The following ENKUR variants were observed in gnomAD, a reference collection of about 807,000 sequenced individuals.
ENKUR encodes the protein enkurin.
In ENKUR, 19 loss-of-function variants were observed where a neutral mutation model predicts 27.6. The ratio of observed to expected loss-of-function variants is 0.69; its 90% CI spans 0.48 to 1.01. The LOEUF (loss-of-function observed/expected upper bound fraction) is 1.01, where lower values mean the gene tolerates loss of function less well. Ranked by LOEUF, ENKUR falls within the 50% of genes least tolerant of loss-of-function variation. The pLI, the probability that ENKUR is intolerant of heterozygous loss-of-function variation, is 0.00. For synonymous variants in ENKUR, 117 were observed against 96.9 expected, an observed-to-expected ratio of 1.21 and a Z score of -1.22; for missense variants, 312 against 310.5, an observed-to-expected ratio of 1.00 and a Z score of -0.04.
chr10:25,032,465 T>C (rs1850947647), intron 2 of ENKUR, among the ~76,000 whole-genome samples: 1 of 152,166 alleles, frequency 6.6e-6, no homozygotes, highest in South Asian at 2.1e-4. Flanking sequence ...AAGCGCTTAA[T>C]CCTAATCAGC....
chr10:25,053,858 A>G (rs2130490426), intron 2 of ENKUR, among the ~76,000 whole-genome samples: 1 of 152,302 alleles, frequency 6.6e-6, no homozygotes, highest in South Asian at 2.1e-4. Flanking sequence ...TTTTTAAAAA[A>G]TACTCATGCA....
At chr10:25,031,358 G>A (rs1484324749) in intron 2 of ENKUR, among the ~76,000 whole-genome samples, 2 of 152,066 alleles carry the variant, frequency 1.3e-5, no homozygotes, top group Non-Finnish European at 2.9e-5. Flanking sequence ...GATACTTGGC[G>A]CGGATTACCT....
At chr10:25,018,053 G>A (rs959022496), upstream of ENKUR, among the ~76,000 whole-genome samples, 6 of 152,142 alleles carry the variant, frequency 3.9e-5, no homozygotes, top group Non-Finnish European at 5.9e-5. Flanking sequence ...CTGGCCTTTG[G>A]TAGCCTTGAT....
intron 1 of ENKUR, among the ~76,000 whole-genome samples, chr10:25,002,000 C>A (rs1229169745): frequency 6.6e-6 from 1 of 151,994 alleles, no homozygotes; most frequent in East Asian, 1.9e-4. Context: ...CTTTAAATTT[C>A]TTCCTTAGCT....
rs748586105 is a variant in ENKUR, at chr10:25,023,359, T to C, written c.38-27490A>G. On this transcript the variant is annotated intron_variant, in intron 2 of 5. Transcript: ENST00000615958. The stretch of plus-strand genomic sequence containing the variant: ...TGCACTTGCGGAATTGAGGAAGTCA[T>C]GGTATTCAACCCACTCTCTTGTTGG... 2.3e-5 allele frequency: 37 copies of C among 1,614,060 alleles called. No homozygotes were observed. The Admixed American group carries it at 5.2e-4, about 23-fold the overall frequency.
In ENKUR at chr10:24,983,565, A is replaced by T. The variant is rs563135419; in HGVS notation, c.*805T>A. The T allele has an allele frequency of 6.6e-6, 1 of 152,340 alleles. No individual in the cohort carries two copies. Among genetic ancestry groups the T allele is most frequent in the Non-Finnish European group, 1.5e-5 (1 of 68,034 alleles). 9.4% of individuals were successfully genotyped at this position (152,340 alleles called of 1,614,324 possible). On this transcript the variant is annotated 3_prime_UTR_variant, in exon 6 of 6. Transcript: ENST00000331161. The stretch of plus-strand genomic sequence containing the variant: ...TTTATTTTATATCTGCCCTAAGTTA[A>T]TAAAGGAATAAAGATACTCATATGG...
chr10:25,020,768 G>A (rs1246802938), upstream of ENKUR, among the ~76,000 whole-genome samples: 1 of 151,538 alleles, frequency 6.6e-6, no homozygotes, highest in Admixed American at 6.6e-5. Flanking sequence ...TACTGCTCAT[G>A]AAAACCATCT....
intron 2 of ENKUR, among the ~76,000 whole-genome samples, chr10:25,054,399 G>C: frequency 6.6e-6 from 1 of 152,150 alleles, no homozygotes; most frequent in Non-Finnish European, 1.5e-5. Context: ...TACAGCTTGG[G>C]CAACAAGAGT....
At chr10:25,034,969 G>A in intron 2 of ENKUR, among the ~76,000 whole-genome samples, 1 of 152,038 alleles carries the variant, frequency 6.6e-6, no homozygotes, top group East Asian at 1.9e-4. Context: ...TATTTGGCTG[G>A]CCAAAAGCAG....
At chr10:25,038,861 A>C (rs1851034047) in intron 2 of ENKUR, among the ~76,000 whole-genome samples, 1 of 152,238 alleles carries the variant, frequency 6.6e-6, no homozygotes, top group Admixed American at 6.5e-5. Flanking sequence ...AAATGACCTG[A>C]AGTTGCTTAT....
intron 1 of ENKUR, among the ~76,000 whole-genome samples, chr10:25,061,842 G>A (rs534711293): frequency 2.0e-5 from 3 of 152,232 alleles, no homozygotes; most frequent in South Asian, 4.1e-4. Flanking sequence ...CGTGACTGCT[G>A]CATCATCAAT....
chr10:25,016,712 G>C (rs1195982066), upstream of ENKUR: 2 of 152,394 alleles, frequency 1.3e-5, no homozygotes, highest in Non-Finnish European at 2.9e-5. Context: ...TCCGTCTCCT[G>C]TGGAGGCTTT....
chr10:25,012,936 T>G (rs557391323), intron 1 of ENKUR, among the ~76,000 whole-genome samples: 1 of 152,234 alleles, frequency 6.6e-6, no homozygotes, highest in Admixed American at 6.5e-5. Context: ...ATTGATGAGA[T>G]CCCATAATTC....
intron 4 of ENKUR, among the ~76,000 whole-genome samples, chr10:24,986,597 T>G (rs1849785192): frequency 6.6e-6 from 1 of 152,178 alleles, no homozygotes; most frequent in African/African-American, 2.4e-5. Context: ...TTTGCGGATA[T>G]CAAAGGTTTT....
intron 2 of ENKUR, among the ~76,000 whole-genome samples, chr10:25,037,664 C>T (rs182432625): frequency 9.7e-4 from 147 of 152,180 alleles, no homozygotes; most frequent in African/African-American, 3.4e-3. Flanking sequence ...AGCTGTTTTG[C>T]TCTTCTTTCC....
At position 25,024,773 on chromosome 10, in the gene ENKUR, C is replaced by T. The variant is rs1182613524; in HGVS notation, c.38-28904G>A. The stretch of plus-strand genomic sequence containing the variant: ...GGAAACTTTGGTAACATTTTAGCAG[C>T]AGTGTATGCCAAAATGATGGGAATC... On this transcript the variant is annotated intron_variant, in intron 2 of 5. Coordinates refer to the ENKUR transcript ENST00000615958. The T allele has an allele frequency of 1.9e-6, 3 of 1,614,054 alleles. No homozygotes were observed. In the African/African-American group the frequency reaches 4.0e-5, roughly 22 times the overall value.
At chr10:25,025,189 A>G in intron 2 of ENKUR, 1 of 1,614,234 alleles carries the variant, frequency 6.2e-7, no homozygotes, top group South Asian at 1.1e-5. Flanking sequence ...GGTGCAAGAC[A>G]AAACTTGCCC....
chr10:25,020,811 G>T (rs1288276260), upstream of ENKUR, among the ~76,000 whole-genome samples: 4 of 151,916 alleles, frequency 2.6e-5, no homozygotes, highest in Middle Eastern at 3.4e-3. Flanking sequence ...ACTAATACAG[G>T]TATCAGAAAG....
chr10:25,026,809 A>G (rs1205517691), intron 2 of ENKUR: 1 of 152,492 alleles, frequency 6.6e-6, no homozygotes, highest in African/African-American at 2.4e-5. Context: ...ATAGTTTAAT[A>G]AGCAAGAGAA....
Sources: gnomAD v4.1 joint callset for allele counts (sites outside exome capture counted in the v4.1 genomes callset) on GRCh38, gnomAD v4.1.1 for gene constraint, MANE v1.5 for transcripts, NCBI Gene and HGNC (gene_info 2026-07-23, HGNC 2026-07-21) for gene names.